Variants in GCKR observed in about 807,000 individuals in gnomAD.
GCKR encodes the protein glucokinase regulator.
GCKR carries 73 observed loss-of-function variants against 82.9 expected under a neutral mutation model. That is an observed-to-expected ratio of 0.88 (90% CI 0.73 to 1.07). The LOEUF is 1.07. Among genes scored for constraint, GCKR ranks in the 50% least tolerant of loss-of-function variants. GCKR has a pLI of 0.00. For missense variants in GCKR, 784 were observed against 782.1 expected, an observed-to-expected ratio of 1.00 and a Z score of -0.03; for synonymous variants, 294 against 291.8, an observed-to-expected ratio of 1.01 and a Z score of -0.08.
chr2:27,506,433 C>G (rs1669745574), intron 10 of GCKR, 48 bp from the exon 11 acceptor site: 1 of 1,267,682 alleles, frequency 7.9e-7, no homozygotes, highest in Non-Finnish European at 1.2e-6. Flanking sequence ...CCTAAGCTTT[C>G]TGAGGGGGAA....
intron 9 of GCKR, among the ~76,000 whole-genome samples, chr2:27,504,553 G>A (rs764832813): frequency 5.1e-4 from 78 of 151,568 alleles, no homozygotes; most frequent in Admixed American, 1.2e-3. Flanking sequence ...ACAGCCTGTT[G>A]GCCAGGCTGG....
Position 27,523,589 on chromosome 2 carries a change from A to G in GCKR, c.*150A>G. Reference sequence around the variant, plus strand: ...CAGGGTAGGGAGAAATATTCTCTCCACTTTGGGGGAGAGTTCTTGCTCTCG... The same window carrying G: ...CAGGGTAGGGAGAAATATTCTCTCCGCTTTGGGGGAGAGTTCTTGCTCTCG... On this transcript the variant is annotated 3_prime_UTR_variant, in exon 19 of 19. Transcript: ENST00000264717. 1.4e-6 allele frequency: 1 copy of G among 731,914 alleles called. No individual in the cohort carries two copies. The allele number at this position is 731,914 out of a possible 1,614,324, so 45.3% of individuals were successfully genotyped here. A position where few individuals can be genotyped will look rare whatever the true frequency, so the allele number is the denominator to read the frequency against.
At chr2:27,504,491 G>A (rs538175690) in intron 9 of GCKR, among the ~76,000 whole-genome samples, 1 of 151,956 alleles carries the variant, frequency 6.6e-6, no homozygotes, top group East Asian at 2.0e-4. Flanking sequence ...CGGAGTAGCT[G>A]GGATTACAGG....
At chr2:27,501,670 A>G (rs934575852) in intron 8 of GCKR, 2 of 466,520 alleles carry the variant, frequency 4.3e-6, no homozygotes, top group Non-Finnish European at 8.9e-6. Flanking sequence ...TTTAGTGCCC[A>G]TTCTCTCTCA....
chr2:27,511,770 G>C (rs1669889042), intron 16 of GCKR, among the ~76,000 whole-genome samples: 1 of 151,912 alleles, frequency 6.6e-6, no homozygotes, highest in African/African-American at 2.4e-5. Flanking sequence ...GTTTTGTTTT[G>C]TTTTCTTTTT....
Position 27,498,311 on chromosome 2 carries a change from A to G in GCKR, c.342A>G (p.Ala114=). The change falls in exon 4 of 19, where the codon GCA becomes GCG. Residue 114 remains alanine (A), a synonymous_variant. Transcript: ENST00000264717. ...GAGGGGGCACCTCTGGCCGGATGGC[A>G]TTCCTCATGTCGGTGAGCACCCTGG... is the stretch of plus-strand genomic sequence containing the variant. ...LSGGGTSGRM[A]FLMSVSFNQL... The G allele has an allele frequency of 1.2e-6, 2 of 1,612,954 alleles. No individual in the cohort carries two copies. The highest frequency in any genetic ancestry group is 1.1e-5 in the South Asian group (1 of 91,044).
intron 10 of GCKR, among the ~76,000 whole-genome samples, chr2:27,506,047 C>A (rs1279404613): frequency 1.3e-5 from 2 of 152,198 alleles, no homozygotes; most frequent in Admixed American, 6.5e-5. Flanking sequence ...ATCCTGGATT[C>A]CTCAGGCCCA....
intron 16 of GCKR, among the ~76,000 whole-genome samples, chr2:27,518,065 A>C (rs1417991927): frequency 6.6e-6 from 1 of 152,098 alleles, no homozygotes; most frequent in Non-Finnish European, 1.5e-5. Flanking sequence ...TTTTCCCCTG[A>C]GACATAGTCT....
chr2:27,508,292 A>C, intron 16 of GCKR, 41 bp downstream of exon 16: 1 of 1,244,244 alleles, frequency 8.0e-7, no homozygotes, highest in Non-Finnish European at 1.2e-6. Context: ...TAAGGGGCTC[A>C]GAGGGTGAGG....
intron 17 of GCKR, 81 bp downstream of exon 17, chr2:27,519,018 T>A (rs897186939): frequency 3.1e-6 from 4 of 1,294,874 alleles, no homozygotes; most frequent in Non-Finnish European, 4.5e-6. Flanking sequence ...TGTAGAGATA[T>A]GGAAATGTGC....
intron 16 of GCKR, among the ~76,000 whole-genome samples, chr2:27,510,514 G>A (rs553516779): frequency 6.6e-6 from 1 of 152,222 alleles, no homozygotes; most frequent in South Asian, 2.1e-4. Context: ...TGGGTCAAAG[G>A]GGATGTAAAA....
At chr2:27,502,504 A>G (rs1669609338) in intron 8 of GCKR, among the ~76,000 whole-genome samples, 2 of 152,208 alleles carry the variant, frequency 1.3e-5, no homozygotes, top group Admixed American at 1.3e-4. Flanking sequence ...AGAAATGGGT[A>G]GTTATTAAAA....
chr2:27,511,052 G>A (rs975440914), intron 16 of GCKR, among the ~76,000 whole-genome samples: 4 of 152,068 alleles, frequency 2.6e-5, no homozygotes. Context: ...TTGTGAGACA[G>A]AGTCTCGCTC....
At position 27,498,323 on chromosome 2, in the gene GCKR, G is replaced by A. The variant is rs143881585; in HGVS notation, c.354G>A (p.Ser118=). The A allele has an allele frequency of 3.4e-4, 553 of 1,609,438 alleles. 4 individuals are homozygous for A. The East Asian group carries it at 6.6e-3, about 19-fold the overall frequency. ...CTGGCCGGATGGCATTCCTCATGTC[G>A]GTGAGCACCCTGGTCTCCAGTTTTC... ...GTSGRMAFLM[S]VSFNQLMKGL... is the part of the protein sequence containing the mutation. Residue 118 remains serine (S), a splice_region_variant and synonymous_variant, in exon 4 of 19, where the codon TCG becomes TCA. Coordinates refer to ENST00000264717, the MANE Select transcript of GCKR (RefSeq NM_001486.4).
At chr2:27,500,102 T>A (rs770244722) in intron 7 of GCKR, among the ~76,000 whole-genome samples, 1 of 151,486 alleles carries the variant, frequency 6.6e-6, no homozygotes, top group African/African-American at 2.4e-5. Context: ...TTGGTTGTCG[T>A]TGTTGTTTTT....
intron 16 of GCKR, among the ~76,000 whole-genome samples, chr2:27,516,530 A>G (rs994347499): frequency 4.6e-5 from 7 of 151,904 alleles, no homozygotes; most frequent in Admixed American, 4.6e-4. Flanking sequence ...CCTGACTTCA[A>G]GTGATCCACT....
intron 16 of GCKR, among the ~76,000 whole-genome samples, chr2:27,517,254 C>T (rs1043829939): frequency 1.9e-4 from 29 of 151,966 alleles, no homozygotes; most frequent in African/African-American, 6.3e-4. Context: ...CCTCATGATC[C>T]GCCCACCTTG....
rs1669564063 is a variant in GCKR, at chr2:27,501,133, A to G, written c.550-2A>G. 2 of 1,607,436 alleles carry G rather than the reference A, an allele frequency of 1.2e-6. No homozygotes were observed. The highest frequency in any genetic ancestry group is 1.7e-5 in the Admixed American group (1 of 60,006). On this transcript the variant is annotated splice_acceptor_variant, in intron 7 of 18. Transcript: ENST00000264717. LOFTEE classifies it high-confidence loss of function. ...CATGCCCTTCTCTCTCTTCACCATC[A>G]GGCTCCCTTTGTGGCAGGCCAGATG...
Position 27,518,411 on chromosome 2 carries a change from G to A in GCKR, c.1423-377G>A, listed in dbSNP as rs1174824822. 2.0e-5 allele frequency among the ~76,000 whole-genome samples: 3 copies of A among 152,170 alleles called. No homozygotes were observed. In the South Asian group the frequency reaches 6.2e-4, roughly 31 times the overall value. On this transcript the variant is annotated intron_variant, in intron 16 of 18. Transcript: ENST00000264717. ...TCTAAAAAACTGGGGCCCTGGAGCA[G>A]AATAAGTCACCATCTCTGCCCTTTC...
Sources: gnomAD v4.1 joint callset for allele counts (sites outside exome capture counted in the v4.1 genomes callset) on GRCh38, gnomAD v4.1.1 for gene constraint, MANE v1.5 for transcripts, NCBI Gene and HGNC (gene_info 2026-07-23, HGNC 2026-07-21) for gene names.